The following AKAP19 variants were observed in gnomAD, a reference collection of about 807,000 sequenced individuals.
The protein encoded by AKAP19 is A-kinase anchoring protein 19.
the AKAP19 span, among the ~76,000 whole-genome samples, chr2:190,188,403 T>C: frequency 0.12 from 18,031 of 152,272 alleles, 1,171 homozygotes; most frequent in East Asian, 0.26. Flanking sequence ...GCCAAAACAC[T>C]TCCTGGTTGA....
chr2:190,176,628 A>C, the AKAP19 span, among the ~76,000 whole-genome samples: 1 of 152,202 alleles, frequency 6.6e-6, no homozygotes, highest in Admixed American at 6.5e-5. The surrounding 1 kb of genome is among the most constrained non-coding windows in gnomAD (Gnocchi z 4.7). Flanking sequence ...GATTACAGGC[A>C]TGAGCCACGG....
chr2:189,989,382 A>G, the AKAP19 span, among the ~76,000 whole-genome samples: 1 of 152,170 alleles, frequency 6.6e-6, no homozygotes, highest in African/African-American at 2.4e-5. Flanking sequence ...TTTTCAATAA[A>G]TGTAATGAAC....
At chr2:190,194,702 C>G in the AKAP19 span, among the ~76,000 whole-genome samples, 1 of 152,180 alleles carries the variant, frequency 6.6e-6, no homozygotes, top group Non-Finnish European at 1.5e-5. Flanking sequence ...TCAGCCTCTT[C>G]CATAACCCTT....
chr2:190,115,180 A>G, the AKAP19 span, among the ~76,000 whole-genome samples: 2 of 137,038 alleles, frequency 1.5e-5, no homozygotes, highest in African/African-American at 5.5e-5. Context: ...AGGGGGAGAG[A>G]GACAGAGAGA....
the AKAP19 span, among the ~76,000 whole-genome samples, chr2:189,987,344 C>T: frequency 6.6e-6 from 1 of 152,182 alleles, no homozygotes; most frequent in African/African-American, 2.4e-5. Flanking sequence ...ACTGTAAGTC[C>T]AATTAAACCT....
the AKAP19 span, among the ~76,000 whole-genome samples, chr2:190,024,454 A>C: frequency 5.9e-5 from 9 of 151,864 alleles, no homozygotes; most frequent in Non-Finnish European, 7.4e-5. Context: ...ATACAAGGGA[A>C]TAGACAAGTA....
chr2:190,119,825 T>G, the AKAP19 span, among the ~76,000 whole-genome samples: 2 of 150,650 alleles, frequency 1.3e-5, no homozygotes, highest in Admixed American at 6.6e-5. Flanking sequence ...AAAGATGAAG[T>G]GCAGCAAAGA....
the AKAP19 span, among the ~76,000 whole-genome samples, chr2:190,101,677 G>GA: frequency 1.7e-3 from 233 of 140,398 alleles, 1 homozygote; most frequent in Admixed American, 2.5e-3. Context: ...ATTCATTTAG[G>GA]AAAAAAAAAA....
At chr2:190,061,972 G>A in the AKAP19 span, among the ~76,000 whole-genome samples, 1 of 151,938 alleles carries the variant, frequency 6.6e-6, no homozygotes, top group South Asian at 2.1e-4. Context: ...ATCTATATTT[G>A]CCTTATTAAA....
At chr2:189,977,572 A>G in the AKAP19 span, among the ~76,000 whole-genome samples, 1 of 152,242 alleles carries the variant, frequency 6.6e-6, no homozygotes, top group African/African-American at 2.4e-5. Flanking sequence ...AGGCACCCAA[A>G]GAGATAAGCA....
At chr2:190,018,032 C>A in the AKAP19 span, among the ~76,000 whole-genome samples, 1 of 152,090 alleles carries the variant, frequency 6.6e-6, no homozygotes, top group Non-Finnish European at 1.5e-5. Flanking sequence ...ATTTGAACTA[C>A]CTTGTATATG....
chr2:189,989,267 C>G, the AKAP19 span, among the ~76,000 whole-genome samples: 2 of 107,750 alleles, frequency 1.9e-5, no homozygotes, highest in East Asian at 6.8e-4. Context: ...CAGCTTAATC[C>G]CTACCTTCCC....
the AKAP19 span, among the ~76,000 whole-genome samples, chr2:189,966,409 T>C: frequency 1.3e-5 from 2 of 152,020 alleles, no homozygotes; most frequent in African/African-American, 2.4e-5. Flanking sequence ...TTGTAAAAAA[T>C]GCAATACCTT....
the AKAP19 span, among the ~76,000 whole-genome samples, chr2:190,069,396 A>T: frequency 1.3e-5 from 2 of 152,348 alleles, no homozygotes; most frequent in South Asian, 2.1e-4. Flanking sequence ...AAAAATTTTT[A>T]AAGTTAATGT....
At chr2:190,139,933 C>T in the AKAP19 span, among the ~76,000 whole-genome samples, 1 of 152,154 alleles carries the variant, frequency 6.6e-6, no homozygotes, top group South Asian at 2.1e-4. Flanking sequence ...AAGTCCCTTC[C>T]ATCTATGAGC....
the AKAP19 span, among the ~76,000 whole-genome samples, chr2:190,199,463 T>C: frequency 6.6e-6 from 1 of 150,742 alleles, no homozygotes; most frequent in South Asian, 2.1e-4. Flanking sequence ...AAAAATTGAA[T>C]TGTTTTCAGT....
the AKAP19 span, among the ~76,000 whole-genome samples, chr2:190,195,113 C>G: frequency 6.6e-6 from 1 of 152,168 alleles, no homozygotes; most frequent in Admixed American, 6.5e-5. Flanking sequence ...ATACTCGCCT[C>G]AGCCTCCCAA....
At chr2:190,150,176 C>T in the AKAP19 span, 1 of 152,308 alleles carries the variant, frequency 6.6e-6, no homozygotes, top group Non-Finnish European at 1.5e-5. Flanking sequence ...CTTGGCTCTT[C>T]CCCCTCTGTG....
the AKAP19 span, among the ~76,000 whole-genome samples, chr2:190,120,472 A>C: frequency 5.3e-5 from 8 of 152,210 alleles, no homozygotes; most frequent in Non-Finnish European, 4.4e-5. Flanking sequence ...ATTAATGCTG[A>C]TACAAACTTA....
Sources: allele counts gnomAD v4.1 joint callset (sites outside exome capture counted in the v4.1 genomes callset), GRCh38; gene constraint gnomAD v4.1.1; non-coding constraint Gnocchi (gnomAD v3.1); transcripts MANE v1.5; gene names NCBI Gene and HGNC (gene_info 2026-07-23, HGNC 2026-07-21).